The following PNLIP variants were observed in gnomAD, a reference collection of about 807,000 sequenced individuals.
PNLIP encodes pancreatic lipase.
A neutral mutation model predicts 57.1 loss-of-function variants in PNLIP; 49 were observed. The ratio of observed to expected loss-of-function variants is 0.86; its 90% CI spans 0.68 to 1.09. The LOEUF (loss-of-function observed/expected upper bound fraction) is 1.09, where lower values mean the gene tolerates loss of function less well. Ranked by LOEUF, PNLIP falls within the 50% of genes least tolerant of loss-of-function variation. The probability of loss-of-function intolerance (pLI) is 0.00; values close to 1 mark genes in which losing one functional copy is unlikely to be tolerated. For synonymous variants in PNLIP, 209 were observed against 200.4 expected, an observed-to-expected ratio of 1.04 and a Z score of -0.36; for missense variants, 503 against 570.2, an observed-to-expected ratio of 0.88 and a Z score of 1.20.
Position 116,561,482 on chromosome 10 carries a change from AAACCAGAT to A in PNLIP, c.1182_1189del (p.Pro395TyrfsTer5), listed in dbSNP as rs1394212756. The A allele has an allele frequency of 6.2e-7, 1 of 1,611,996 alleles. No homozygotes were observed. Reference sequence around the variant, plus strand: ...TTCTTAAATCCTTAGGGGCACTCTCAAACCAGATAGTACTCATTCCAATGAATTTGACT... The same window carrying A: ...TTCTTAAATCCTTAGGGGCACTCTCAAGTACTCATTCCAATGAATTTGACT... On this transcript the variant is annotated frameshift_variant, in exon 12 of 13. Coordinates refer to ENST00000369221, the MANE Select transcript of PNLIP (RefSeq NM_000936.4). LOFTEE classifies it high-confidence loss of function.
chr10:116,548,231 T>C (rs759052751), intron 3 of PNLIP, 129 bp from the exon 4 acceptor site: 15 of 789,004 alleles, frequency 1.9e-5, no homozygotes, highest in Non-Finnish European at 2.9e-5. Context: ...CTGTGGTTGC[T>C]ATGGAGGAAT....
Position 116,548,290 on chromosome 10 carries a change from C to T in PNLIP, c.202-70C>T, listed in dbSNP as rs537222614. On this transcript the variant is annotated intron_variant, in intron 3 of 12. Coordinates refer to ENST00000369221, the MANE Select transcript of PNLIP (RefSeq NM_000936.4). Reference sequence around the variant, plus strand: ...CCTAGCAGTCTTCTACTTACTGCCCCTCTCCATGTACAAATGGTTCTATTG... The same window carrying T: ...CCTAGCAGTCTTCTACTTACTGCCCTTCTCCATGTACAAATGGTTCTATTG... 7.3e-6 allele frequency: 11 copies of T among 1,499,502 alleles called. No individual in the cohort carries two copies. In the African/African-American group the frequency reaches 1.4e-4, roughly 19 times the overall value. 92.9% of individuals were successfully genotyped at this position (1,499,502 alleles called of 1,614,324 possible).
intron 6 of PNLIP, among the ~76,000 whole-genome samples, chr10:116,554,293 A>G (rs1287122310): frequency 1.3e-5 from 2 of 152,220 alleles, no homozygotes; most frequent in Middle Eastern, 6.3e-3. Context: ...AGTAGAATAA[A>G]TATAATTAAA....
chr10:116,564,649 CTT>C (rs1847345459), intron 12 of PNLIP, among the ~76,000 whole-genome samples: 1 of 151,998 alleles, frequency 6.6e-6, no homozygotes, highest in Admixed American at 6.6e-5. Flanking sequence ...ACTAAATTCT[CTT>C]TGAAAAAATT....
At position 116,546,087 on chromosome 10, in the gene PNLIP, G is replaced by A. The variant is rs527511879; in HGVS notation, c.1-6G>A. On this transcript the variant is annotated splice_polypyrimidine_tract_variant and splice_region_variant and intron_variant, in intron 1 of 12. Coordinates refer to ENST00000369221, the MANE Select transcript of PNLIP (RefSeq NM_000936.4). ...CAGACTCAATCATGTTTTTAATTTC[G>A]TGTAGATGCTGCCACTTTGGACTCT... is the stretch of plus-strand genomic sequence containing the variant. 2.3e-5 allele frequency: 37 copies of A among 1,613,664 alleles called. No homozygotes were observed. The highest frequency in any genetic ancestry group is 1.8e-4 in the Admixed American group (11 of 60,022).
intron 5 of PNLIP, 90 bp downstream of exon 5, chr10:116,551,322 CATAG>C (rs1847189820): frequency 1.0e-6 from 1 of 963,532 alleles, no homozygotes; most frequent in Admixed American, 3.6e-5. Context: ...TAGATTTAAT[CATAG>C]ATAAAGACAC....
chr10:116,555,112 A>G, intron 6 of PNLIP, 66 bp from the exon 7 acceptor site: 3 of 1,568,118 alleles, frequency 1.9e-6, no homozygotes, highest in South Asian at 1.1e-5. Flanking sequence ...TGCATAACTC[A>G]TATTTTACTC....
intron 9 of PNLIP, among the ~76,000 whole-genome samples, chr10:116,558,625 T>A (rs893606162): frequency 2.0e-4 from 30 of 151,736 alleles, no homozygotes; most frequent in African/African-American, 6.5e-4. Context: ...TCTCATTGTA[T>A]GATTTGTTTT....
chr10:116,553,129 A>G (rs1672406911), intron 5 of PNLIP, among the ~76,000 whole-genome samples: 1 of 152,064 alleles, frequency 6.6e-6, no homozygotes, highest in African/African-American at 2.4e-5. Context: ...TTTTTCAGAC[A>G]GAGTCTTGCT....
chr10:116,553,293 C>G (rs552286273), intron 5 of PNLIP, among the ~76,000 whole-genome samples: 1 of 152,102 alleles, frequency 6.6e-6, no homozygotes, highest in Non-Finnish European at 1.5e-5. Context: ...TTTGTAGAGA[C>G]GGGGTTTCAC....
At chr10:116,567,045 T>C (rs1847374725) in intron 12 of PNLIP, among the ~76,000 whole-genome samples, 1 of 149,392 alleles carries the variant, frequency 6.7e-6, no homozygotes, top group African/African-American at 2.5e-5. Flanking sequence ...TGTCCTTTCC[T>C]TCCTTCCTTT....
In PNLIP at chr10:116,548,495, C is replaced by A; in HGVS notation, c.324+13C>A. The stretch of plus-strand genomic sequence containing the variant: ...CAATGTGTGCAAGGTGAGATGTGGT[C>A]ATCTCTCAAGGAAAGATCGTTTCCA... On this transcript the variant is annotated intron_variant, in intron 4 of 12. Transcript: ENST00000369221. The A allele has an allele frequency of 3.1e-6, 5 of 1,611,846 alleles. No individual in the cohort carries two copies. In the South Asian group the frequency reaches 5.5e-5, roughly 18 times the overall value.
chr10:116,564,496 C>T (rs1847344493), intron 12 of PNLIP, among the ~76,000 whole-genome samples: 1 of 152,084 alleles, frequency 6.6e-6, no homozygotes, highest in African/African-American at 2.4e-5. Flanking sequence ...TCCTCACCAG[C>T]AGGTTAACAC....
intron 12 of PNLIP, among the ~76,000 whole-genome samples, chr10:116,567,508 C>T (rs764707692): frequency 4.5e-4 from 68 of 152,140 alleles, no homozygotes; most frequent in Admixed American, 1.0e-3. Context: ...TTTGGGGCGT[C>T]TACTGACAGC....
At position 116,561,571 on chromosome 10, in the gene PNLIP, G is replaced by A. The variant is rs1044319868; in HGVS notation, c.1269G>A (p.Val423=). The A allele has an allele frequency of 3.7e-6, 6 of 1,613,518 alleles. No homozygotes were observed. The highest frequency in any genetic ancestry group is 5.1e-6 in the Non-Finnish European group (6 of 1,179,724). ...TTAAATTTATTTGGTATAACAATGTGATCAACCCAACTTTACCTAGAGTGG... is the reference window on the plus strand; with the variant it reads ...TTAAATTTATTTGGTATAACAATGTAATCAACCCAACTTTACCTAGAGTGG... ...QMVKFIWYNN[V]INPTLPRVGA... The change falls in exon 12 of 13, where the codon GTG becomes GTA. Residue 423 remains valine, a synonymous_variant. Transcript: ENST00000369221.
chr10:116,567,841 T>A lies in PNLIP; in HGVS notation c.*43T>A. On this transcript the variant is annotated 3_prime_UTR_variant, in exon 13 of 13. Transcript: ENST00000369221. ...ACCAATGAATTGACTTCTAATAAAA[T>A]CTAGTGGTGATGCATTACATGCCTG... The A allele has an allele frequency of 7.0e-7, 1 of 1,437,096 alleles. No individual in the cohort carries two copies. Among genetic ancestry groups the A allele is most frequent in the Non-Finnish European group, 9.8e-7 (1 of 1,018,296 alleles). The allele number at this position is 1,437,096 out of a possible 1,614,324, so 89.0% of individuals were successfully genotyped here.
In PNLIP at chr10:116,560,412, G is replaced by A; in HGVS notation, c.1061-4G>A. The A allele has an allele frequency of 1.3e-6, 2 of 1,532,890 alleles. No individual in the cohort carries two copies. Among genetic ancestry groups the A allele is most frequent in the Middle Eastern group, 1.7e-4 (1 of 5,724 alleles). 95.0% of individuals were successfully genotyped at this position (1,532,890 alleles called of 1,614,324 possible). A position where few individuals can be genotyped will look rare whatever the true frequency, so the allele number is the denominator to read the frequency against. On this transcript the variant is annotated splice_region_variant and splice_polypyrimidine_tract_variant and intron_variant, in intron 10 of 12. Coordinates refer to ENST00000369221, the MANE Select transcript of PNLIP (RefSeq NM_000936.4). Reference sequence around the variant, plus strand: ...TGACATTTTGCAATTTTTCTCCCTTGCAGGTTGGAGGTATAAGGTATCTGT... The same window carrying A: ...TGACATTTTGCAATTTTTCTCCCTTACAGGTTGGAGGTATAAGGTATCTGT...
intron 12 of PNLIP, among the ~76,000 whole-genome samples, chr10:116,567,298 G>A (rs61514920): frequency 0.072 from 10,756 of 148,814 alleles, 434 homozygotes; most frequent in South Asian, 0.092. Context: ...AAGGCATATT[G>A]TTCAGTCACA....
chr10:116,555,940 A>C, intron 8 of PNLIP, 60 bp from the exon 9 acceptor site: 2 of 1,008,690 alleles, frequency 2.0e-6, no homozygotes, highest in Non-Finnish European at 3.1e-6. Context: ...TATTCTGAAT[A>C]TGACGTTAAC....
Sources: gnomAD v4.1 joint callset for allele counts (sites outside exome capture counted in the v4.1 genomes callset) on GRCh38, gnomAD v4.1.1 for gene constraint, MANE v1.5 for transcripts, NCBI Gene and HGNC (gene_info 2026-07-23, HGNC 2026-07-21) for gene names.